Variants in ZWINT observed in about 807,000 individuals in gnomAD.
ZWINT encodes ZW10 interacting kinetochore protein.
Under a neutral mutation model 41.5 loss-of-function variants are expected in ZWINT, and 41 were observed. The ratio of observed to expected loss-of-function variants is 0.99; its 90% CI spans 0.77 to 1.28. The LOEUF is 1.28. Among genes scored for constraint, ZWINT ranks in the 50% most tolerant of loss-of-function variants. The pLI is 0.00. For synonymous variants in ZWINT, 132 were observed against 126.8 expected (o/e 1.04, Z -0.28); for missense variants, 369 against 329.7 (o/e 1.12, Z -0.92).
chr10:56,359,007 C>T, intron 5 of ZWINT, 60 bp from the exon 6 acceptor site: 1 of 1,585,594 alleles, frequency 6.3e-7, no homozygotes, highest in Non-Finnish European at 8.6e-7. Context: ...GAAACTCCCT[C>T]CAACCCCTCC....
intron 1 of ZWINT, 39 bp from the exon 2 acceptor site, chr10:56,360,422 G>C (rs750682491): frequency 6.4e-7 from 1 of 1,555,086 alleles, no homozygotes; most frequent in Admixed American, 1.7e-5. Flanking sequence ...GCAGTTTCTT[G>C]TGGTGCTAGT....
rs756696751 is a variant in ZWINT at position 56,358,362 on chromosome 10, T to C, written c.*41+15A>G. 7.5e-6 allele frequency: 12 copies of C among 1,604,024 alleles called. No homozygotes were observed. In the Admixed American group the frequency reaches 2.0e-4, roughly 27 times the overall value. On this transcript the variant is annotated intron_variant, in intron 8 of 8. Transcript: ENST00000373944. ...CTTGCAGTCCAGGGACACCAAGGCCTGAGTTGGGTCTGACCTTTTCTAGGA... is the reference window on the plus strand; with the variant it reads ...CTTGCAGTCCAGGGACACCAAGGCCCGAGTTGGGTCTGACCTTTTCTAGGA...
At position 56,360,071 on chromosome 10, in the gene ZWINT, G is replaced by C; in HGVS notation, c.203C>G (p.Ala68Gly). 6.2e-7 allele frequency: 1 copy of C among 1,614,142 alleles called. No individual in the cohort carries two copies. ...QVADFLQNIL[A>G]QEDTAKGLDP... ...GAGACCCTTAGCAGTGTCCTCCTGA[G>C]CCAGGATGTTCTGCAGGAAATCCGC... Residue 68 changes from alanine (A) to glycine (G), a missense_variant, in exon 3 of 9, where the codon GCT becomes GGT. Physicochemically the swap from Ala to Gly is moderately conservative, Grantham distance 60. Coordinates refer to ENST00000373944, the MANE Select transcript of ZWINT (RefSeq NM_007057.4).
At chr10:56,361,138 G>A in intron 1 of ZWINT, 58 bp downstream of exon 1, 1 of 1,599,328 alleles carries the variant, frequency 6.3e-7, no homozygotes, top group Non-Finnish European at 8.5e-7. Context: ...TTACACATAG[G>A]GGCCCACAAG....
In ZWINT at chr10:56,357,803, A is replaced by G; in HGVS notation, c.*424T>C. The G allele has an allele frequency of 2.9e-6, 1 of 339,806 alleles. No individual in the cohort carries two copies. Among genetic ancestry groups the G allele is most frequent in the South Asian group, 2.3e-5 (1 of 42,942 alleles). 21.0% of individuals were successfully genotyped at this position (339,806 alleles called of 1,614,324 possible). ...GTTCACCGCAAGAACCTTAGCACAA[A>G]GAAAGGACTCAACAAACATTTGGAT... On this transcript the variant is annotated 3_prime_UTR_variant, in exon 9 of 9. Coordinates refer to ENST00000373944, the MANE Select transcript of ZWINT (RefSeq NM_007057.4).
rs74914955 is a variant in ZWINT at position 56,361,246 on chromosome 10, C to A, written c.-10G>T. The A allele has an allele frequency of 7.6e-4, 1,230 of 1,611,438 alleles. 10 individuals carry two copies. In the African/African-American group the frequency reaches 0.015, roughly 20 times the overall value. On this transcript the variant is annotated 5_prime_UTR_variant, in exon 1 of 9. Transcript: ENST00000373944. ...TCTCCGCTGCCTCCATCTTTCCAGG[C>A]GCCGAGTTCAGCTGCCTTCCCACAA... is the stretch of plus-strand genomic sequence containing the variant.
chr10:56,358,879 C>T lies in ZWINT; in HGVS notation c.549G>A (p.Gln183=), dbSNP rs1239641524. Residue 183 remains glutamine (Q), a synonymous_variant, in exon 6 of 9, where the codon CAG becomes CAA. Transcript: ENST00000373944. ...GTTTCTGAAACACCCTGTCAAGCTC[C>T]TGCTGAGTCCCTGTCTTACGCTCCC... The part of the protein sequence containing the change: ...EVRERKTGTQ[Q]ELDRVFQKLG... The T allele has an allele frequency of 6.2e-7, 1 of 1,614,102 alleles. No individual in the cohort carries two copies. The highest frequency in any genetic ancestry group is 1.7e-5 in the Admixed American group (1 of 60,016).
chr10:56,358,291 A>G (rs1838219358), intron 8 of ZWINT, 86 bp downstream of exon 8: 1 of 1,113,042 alleles, frequency 9.0e-7, no homozygotes. Context: ...TGGGTAGCAG[A>G]GCTCAGATGC....
At chr10:56,359,941 C>T in intron 3 of ZWINT, 77 bp downstream of exon 3, 1 of 1,606,168 alleles carries the variant, frequency 6.2e-7, no homozygotes, top group East Asian at 2.2e-5. Context: ...TCCCATCAGC[C>T]AAATGGGAGA....
intron 1 of ZWINT, 25 bp downstream of exon 1, chr10:56,361,171 C>G: frequency 6.2e-7 from 1 of 1,612,892 alleles, no homozygotes; most frequent in Non-Finnish European, 8.5e-7. Flanking sequence ...CCGGCCCCAG[C>G]TGCCACTTAG....
chr10:56,360,366 G>A lies in ZWINT; in HGVS notation c.59C>T (p.Ala20Val). 1.9e-6 allele frequency: 3 copies of A among 1,614,136 alleles called. No individual in the cohort carries two copies. Among genetic ancestry groups the A allele is most frequent in the Non-Finnish European group, 2.5e-6 (3 of 1,180,014 alleles). ...AAALEVLAEV[A>V]GILEPVGLQE... ...CAGGCCTACAGGTTCCAAGATGCCT[G>A]CCACCTCAGCCAGGACCCTGGAGGG... The change falls in exon 2 of 9, where the codon GCA becomes GTA. Residue 20 changes from alanine to valine, a missense_variant. Transcript: ENST00000373944.
At position 56,358,735 on chromosome 10, in the gene ZWINT, G is replaced by C. The variant is rs759270243; in HGVS notation, c.624-11C>G. 8.6e-5 allele frequency: 138 copies of C among 1,613,944 alleles called. No individual in the cohort carries two copies. The highest frequency in any genetic ancestry group is 2.2e-4 in the Admixed American group (13 of 59,992). ...AGGAAGGTCTGATACCTACAAAGAG[G>C]AGGTAAGTGTGAAGGAAAGGAATCT... On this transcript the variant is annotated splice_polypyrimidine_tract_variant and intron_variant, in intron 6 of 8. Coordinates refer to ENST00000373944, the MANE Select transcript of ZWINT (RefSeq NM_007057.4).
Position 56,358,488 on chromosome 10 carries a change from T to C in ZWINT, c.793-29A>G, listed in dbSNP as rs369799232. The C allele has an allele frequency of 1.3e-5, 21 of 1,613,856 alleles. No individual in the cohort carries two copies. In the African/African-American group the frequency reaches 2.1e-4, roughly 16 times the overall value. On this transcript the variant is annotated intron_variant, in intron 7 of 8. Transcript: ENST00000373944. ...GGAGAAATACAGTATAGACAGTGGG[T>C]AAGGCCAATCTCCCAGCTTCTGTCT...
intron 1 of ZWINT, 80 bp from the exon 2 acceptor site, chr10:56,360,463 G>T: frequency 1.4e-5 from 16 of 1,164,884 alleles, no homozygotes; most frequent in Non-Finnish European, 1.8e-5. Flanking sequence ...ACAAACAAAT[G>T]TGGATGTGTA....
Position 56,358,171 on chromosome 10 carries a change from A to AG in ZWINT, c.*55dup. 1 of 741,668 alleles carries AG rather than the reference A, an allele frequency of 1.3e-6. No individual in the cohort carries two copies. The allele number at this position is 741,668 out of a possible 1,614,324, so 45.9% of individuals were successfully genotyped here. A position where few individuals can be genotyped will look rare whatever the true frequency, so the allele number is the denominator to read the frequency against. On this transcript the variant is annotated 3_prime_UTR_variant, in exon 9 of 9. Coordinates refer to ENST00000373944, the MANE Select transcript of ZWINT (RefSeq NM_007057.4). The stretch of plus-strand genomic sequence containing the variant: ...TTCCTGTAATGATGGTTGGGAGGTG[A>AG]GGGAAGTCAGAGGCCTGGGGAAGAA...
Position 56,358,151 on chromosome 10 carries a change from G to T in ZWINT, c.*76C>A. On this transcript the variant is annotated 3_prime_UTR_variant, in exon 9 of 9. Transcript: ENST00000373944. ...AACTCAGGAGTTCACAGTCTTTCCT[G>T]TAATGATGGTTGGGAGGTGAGGGAA... The T allele has an allele frequency of 1.4e-6, 1 of 720,962 alleles. No homozygotes were observed. Among genetic ancestry groups the T allele is most frequent in the South Asian group, 1.4e-5 (1 of 73,276 alleles). The allele number at this position is 720,962 out of a possible 1,614,324, so 44.7% of individuals were successfully genotyped here.
At chr10:56,358,780 C>G (rs778975363) in intron 6 of ZWINT, 25 bp downstream of exon 6, 19 of 1,613,984 alleles carry the variant, frequency 1.2e-5, no homozygotes, top group Non-Finnish European at 1.6e-5. Context: ...CATTTTGAAT[C>G]TGCAGCCCAT....
chr10:56,358,541 C>A lies in ZWINT; in HGVS notation c.792+15G>T, dbSNP rs1838229601. ...ACCTGCCAGCCCATGCCCACCTGTT[C>A]CATCTCTCATTTACCTTGAAGGACA... On this transcript the variant is annotated intron_variant, in intron 7 of 8. Coordinates refer to ENST00000373944, the MANE Select transcript of ZWINT (RefSeq NM_007057.4). 3 of 1,613,900 alleles carry A rather than the reference C, an allele frequency of 1.9e-6. No individual in the cohort carries two copies. The highest frequency in any genetic ancestry group is 2.2e-5 in the South Asian group (2 of 91,058).
At position 56,357,785 on chromosome 10, in the gene ZWINT, G is replaced by GC. The variant is rs35213260; in HGVS notation, c.*441dup. The GC allele has an allele frequency of 0.12, 40,566 of 329,336 alleles. 3,087 individuals carry two copies. Among genetic ancestry groups the GC allele is most frequent in the South Asian group, 0.24 (9,684 of 40,932 alleles). 20.4% of individuals were successfully genotyped at this position (329,336 alleles called of 1,614,324 possible). The stretch of plus-strand genomic sequence containing the variant: ...CTCACTGTTATAATTCTGGTTCACC[G>GC]CAAGAACCTTAGCACAAAGAAAGGA... On this transcript the variant is annotated 3_prime_UTR_variant, in exon 9 of 9. Coordinates refer to ENST00000373944, the MANE Select transcript of ZWINT (RefSeq NM_007057.4).
Sources: gnomAD v4.1 joint callset for allele counts on GRCh38, gnomAD v4.1.1 for gene constraint, MANE v1.5 for transcripts, NCBI Gene and HGNC (gene_info 2026-07-23, HGNC 2026-07-21) for gene names.